The following MGA variants were observed in gnomAD, a reference collection of about 807,000 sequenced individuals.
MGA encodes MAX gene-associated protein.
Under a neutral mutation model 261.1 loss-of-function variants are expected in MGA, and 40 were observed. The ratio of observed to expected loss-of-function variants is 0.15; its 90% CI spans 0.12 to 0.20. The LOEUF (loss-of-function observed/expected upper bound fraction) is 0.20, where lower values mean the gene tolerates loss of function less well. Among genes scored for constraint, MGA ranks in the 10% least tolerant of loss-of-function variants. The pLI is 1.00. For missense variants in MGA, 3,397 were observed against 3,630.5 expected, an observed-to-expected ratio of 0.94 and a Z score of 1.65; for synonymous variants, 1,302 against 1,290.6, an observed-to-expected ratio of 1.01 and a Z score of -0.19.
intron 21 of MGA, 72 bp downstream of exon 21, chr15:41,761,922 T>G: frequency 3.3e-6 from 4 of 1,194,594 alleles, no homozygotes; most frequent in Non-Finnish European, 4.7e-6. Context: ...TCAGTAGATC[T>G]TTCAGATACT....
Position 41,727,191 on chromosome 15 carries a change from A to T in MGA, c.3442A>T (p.Thr1148Ser), listed in dbSNP as rs548212621. The T allele has an allele frequency of 6.2e-7, 1 of 1,613,304 alleles. No homozygotes were observed. Among genetic ancestry groups the T allele is most frequent in the Non-Finnish European group, 8.5e-7 (1 of 1,179,662 alleles). The stretch of plus-strand genomic sequence containing the variant: ...TCTTTTTTGTTAAGCTATATGTGAG[A>T]CAGAGCCTGAACAGCCTGTTCGACA... The change falls in exon 10 of 24, where the codon ACA becomes TCA. Residue 1148 changes from threonine (T) to serine (S), a missense_variant. By Grantham distance (58) the Thr-to-Ser change is moderately conservative. This residue lies in a region of MGA where 519 missense variants were observed against 554.1 expected (regional missense o/e 0.94). Coordinates refer to ENST00000219905, the MANE Select transcript of MGA (RefSeq NM_001164273.2).
intron 22 of MGA, among the ~76,000 whole-genome samples, chr15:41,763,163 G>A (rs751263696): frequency 3.7e-5 from 5 of 135,368 alleles, no homozygotes; most frequent in East Asian, 2.2e-4. Context: ...GCAGTGGCGC[G>A]ATCTTGGCTC....
chr15:41,643,815 G>A (rs1368886999), intron 1 of MGA, among the ~76,000 whole-genome samples: 1 of 143,648 alleles, frequency 7.0e-6, no homozygotes, highest in Non-Finnish European at 1.5e-5. Context: ...GCCTCCGCCC[G>A]CCTCAGCCTC....
intron 9 of MGA, among the ~76,000 whole-genome samples, chr15:41,721,313 C>T (rs2060926503): frequency 6.6e-6 from 1 of 151,986 alleles, no homozygotes; most frequent in Admixed American, 6.6e-5. Flanking sequence ...ACCAAAAATA[C>T]AAAAATTAGC....
At chr15:41,644,608 G>A (rs1481826734) in intron 1 of MGA, among the ~76,000 whole-genome samples, 2 of 151,950 alleles carry the variant, frequency 1.3e-5, no homozygotes, top group African/African-American at 2.4e-5. Flanking sequence ...GCAGTGAGCC[G>A]AGACTGTACC....
In MGA at chr15:41,754,041, T is replaced by G. The variant is rs1028865078; in HGVS notation, c.7009-396T>G. 3.9e-5 allele frequency among the ~76,000 whole-genome samples: 6 copies of G among 152,106 alleles called. No homozygotes were observed. In the East Asian group the frequency reaches 1.2e-3, roughly 29 times the overall value. On this transcript the variant is annotated intron_variant, in intron 17 of 23. Coordinates refer to ENST00000219905, the MANE Select transcript of MGA (RefSeq NM_001164273.2). Reference sequence around the variant, plus strand: ...TCAAGCAATCCTCCCACCTCAGGTTTCCGAGTAGCTGTAATTATAGGCGAG... The same window carrying G: ...TCAAGCAATCCTCCCACCTCAGGTTGCCGAGTAGCTGTAATTATAGGCGAG...
At chr15:41,671,661 G>T (rs1480098948) in intron 2 of MGA, among the ~76,000 whole-genome samples, 1 of 152,096 alleles carries the variant, frequency 6.6e-6, no homozygotes, top group African/African-American at 2.4e-5. Context: ...TTAAACCCAA[G>T]TTCAGCAAAA....
At chr15:41,763,154 C>T (rs1309782597) in intron 22 of MGA, among the ~76,000 whole-genome samples, 2 of 124,750 alleles carry the variant, frequency 1.6e-5, no homozygotes, top group African/African-American at 6.2e-5. Flanking sequence ...GGCTGGAGTG[C>T]AGTGGCGCGA....
chr15:41,728,922 C>T (rs2151705419), intron 10 of MGA, among the ~76,000 whole-genome samples: 1 of 152,184 alleles, frequency 6.6e-6, no homozygotes, highest in African/African-American at 2.4e-5. Context: ...TATCCTTCAC[C>T]ATAGATAATT....
At position 41,669,629 on chromosome 15, in the gene MGA, T is replaced by C; in HGVS notation, c.735T>C (p.Thr245=). 6.2e-7 allele frequency: 1 copy of C among 1,613,918 alleles called. No homozygotes were observed. Among genetic ancestry groups the C allele is most frequent in the Non-Finnish European group, 8.5e-7 (1 of 1,179,838 alleles). ...CAGCTTATCAGAACATTCAGATTAC[T>C]CAGCTGAAAATAGATTACAATCCAT... Residue 245 remains threonine (T), a synonymous_variant, in exon 2 of 24, where the codon ACT becomes ACC. Coordinates refer to ENST00000219905, the MANE Select transcript of MGA (RefSeq NM_001164273.2).
chr15:41,697,509 C>T (rs1337467893), intron 3 of MGA, among the ~76,000 whole-genome samples: 2 of 151,618 alleles, frequency 1.3e-5, no homozygotes, highest in South Asian at 2.1e-4. Context: ...CTCCGTCTCC[C>T]GAGTTCAAGC....
chr15:41,713,946 A>G (rs2060502552), intron 9 of MGA, among the ~76,000 whole-genome samples: 1 of 152,186 alleles, frequency 6.6e-6, no homozygotes, highest in Non-Finnish European at 1.5e-5. Context: ...GATTGTGGTA[A>G]AGCTGAACAT....
At chr15:41,700,037 C>T (rs1414771358) in intron 5 of MGA, among the ~76,000 whole-genome samples, 3 of 131,634 alleles carry the variant, frequency 2.3e-5, no homozygotes, top group Admixed American at 8.0e-5. Flanking sequence ...AACCTGTCAT[C>T]GAGGTTTTTT....
chr15:41,663,470 TC>T (rs1451879468), intron 1 of MGA, among the ~76,000 whole-genome samples: 1 of 140,588 alleles, frequency 7.1e-6, no homozygotes, highest in East Asian at 2.5e-4. Flanking sequence ...CCTTTTCTTT[TC>T]TTTATTATTA....
intron 1 of MGA, among the ~76,000 whole-genome samples, chr15:41,634,295 T>G (rs1015863818): frequency 6.6e-6 from 1 of 152,226 alleles, no homozygotes; most frequent in African/African-American, 2.4e-5. Flanking sequence ...TAATAATGTT[T>G]GCTGAGTGAA....
rs577950357 is a variant in MGA at position 41,666,671 on chromosome 15, T to G, written c.-67-2157T>G. On this transcript the variant is annotated intron_variant, in intron 1 of 23. Coordinates refer to ENST00000219905, the MANE Select transcript of MGA (RefSeq NM_001164273.2). ...TACGCTTAATATATCTTGTAGATAC[T>G]TTTTGCATGCATTCATTAAGCTTAT... 6.6e-5 allele frequency among the ~76,000 whole-genome samples: 10 copies of G among 152,382 alleles called. No homozygotes were observed. In the South Asian group the frequency reaches 2.1e-3, roughly 32 times the overall value.
chr15:41,714,521 T>A lies in MGA; in HGVS notation c.3430+1025T>A, dbSNP rs748778431. Among the ~76,000 whole-genome samples the A allele has an allele frequency of 1.8e-4, 28 of 152,168 alleles. 1 individual carries two copies. Among genetic ancestry groups the A allele is most frequent in the South Asian group, 8.3e-4 (4 of 4,832 alleles). On this transcript the variant is annotated intron_variant, in intron 9 of 23. Coordinates refer to ENST00000219905, the MANE Select transcript of MGA (RefSeq NM_001164273.2). ...GTAGTCAGATACTGGATGGTGCCAG[T>A]TTTCTGTTCTCTTGCTCTGTTGCCC...
At chr15:41,713,757 C>G (rs568012094) in intron 9 of MGA, among the ~76,000 whole-genome samples, 3 of 152,086 alleles carry the variant, frequency 2.0e-5, no homozygotes, top group African/African-American at 7.2e-5. Flanking sequence ...CTAGAATGCC[C>G]TTGATCTTTG....
In MGA at chr15:41,727,232, A is replaced by G; in HGVS notation, c.3483A>G (p.Val1161=). The change falls in exon 10 of 24, where the codon GTA becomes GTG. Residue 1161 remains valine, a synonymous_variant. Coordinates refer to ENST00000219905, the MANE Select transcript of MGA (RefSeq NM_001164273.2). The stretch of plus-strand genomic sequence containing the variant: ...CTGTTCGACATTACCCATTATGGGT[A>G]AAAGTAGAAGGTGAAGTAGATCCAG... The G allele has an allele frequency of 1.2e-6, 2 of 1,613,954 alleles. No homozygotes were observed. Among genetic ancestry groups the G allele is most frequent in the South Asian group, 2.2e-5 (2 of 91,090 alleles).
Sources: allele counts gnomAD v4.1 joint callset (sites outside exome capture counted in the v4.1 genomes callset), GRCh38; gene constraint gnomAD v4.1.1; regional missense constraint gnomAD v4.1.1; transcripts MANE v1.5; gene names NCBI Gene and HGNC (gene_info 2026-07-23, HGNC 2026-07-21).